The following BRD1 variants were observed in gnomAD, a reference collection of about 807,000 sequenced individuals.
The protein encoded by BRD1 is bromodomain containing 1.
BRD1 carries 24 observed loss-of-function variants against 107.7 expected under a neutral mutation model. The observed-to-expected ratio is 0.22, with a 90% CI of 0.16 to 0.31. The LOEUF is 0.31. BRD1 is among the 10% of genes least tolerant of loss of function. BRD1 has a pLI of 1.00. For synonymous variants in BRD1, 744 were observed against 686.1 expected (o/e 1.08, Z -1.32); for missense variants, 1,279 against 1,638.6 (o/e 0.78, Z 3.79).
rs539439331 is a variant in BRD1, at chr22:49,790,744, T to C, written c.2360-2857A>G. ...CCCTCCAACAACCCTGCCTCAAGCCTCCGTCCTCTGCAATCCTGAAGGGAC... is the reference window on the plus strand; with the variant it reads ...CCCTCCAACAACCCTGCCTCAAGCCCCCGTCCTCTGCAATCCTGAAGGGAC... On this transcript the variant is annotated intron_variant, in intron 7 of 12. Coordinates refer to ENST00000404760, the MANE Select transcript of BRD1 (RefSeq NM_001304808.3). Among the ~76,000 whole-genome samples the C allele has an allele frequency of 5.3e-5, 8 of 152,260 alleles. No individual in the cohort carries two copies. In the South Asian group the frequency reaches 1.7e-3, roughly 32 times the overall value.
chr22:49,787,476 G>A lies in BRD1; in HGVS notation c.2771C>T (p.Thr924Ile), dbSNP rs1204767479. The A allele has an allele frequency of 6.2e-7, 1 of 1,614,258 alleles. No individual in the cohort carries two copies. Among genetic ancestry groups the A allele is most frequent in the Non-Finnish European group, 8.5e-7 (1 of 1,180,048 alleles). Residue 924 changes from threonine (T) to isoleucine (I), a missense_variant, in exon 8 of 13, where the codon ACT becomes ATT. Coordinates refer to ENST00000404760, the MANE Select transcript of BRD1 (RefSeq NM_001304808.3). ...FLSVVLPRLE[T>I]LLQPRKRSRS... is the part of the protein sequence containing the mutation. ...CGACCTTTTCCTTGGCTGCAGAAGA[G>A]TCTCCAACCTCGGAAGGACTACAGA...
At chr22:49,806,913 G>C (rs148405386) in intron 2 of BRD1, 1 of 151,938 alleles carries the variant, frequency 6.6e-6, no homozygotes, top group East Asian at 1.9e-4. Context: ...TGGGAGAATC[G>C]CTTGAGCCCG....
In BRD1 at chr22:49,774,001, G is replaced by C. The variant is rs766141812; in HGVS notation, c.*232C>G. The C allele has an allele frequency of 2.2e-6, 1 of 458,316 alleles. No homozygotes were observed. Among genetic ancestry groups the C allele is most frequent in the Non-Finnish European group, 3.8e-6 (1 of 261,364 alleles). 28.4% of individuals were successfully genotyped at this position (458,316 alleles called of 1,614,324 possible). A position where few individuals can be genotyped will look rare whatever the true frequency, so the allele number is the denominator to read the frequency against. On this transcript the variant is annotated 3_prime_UTR_variant, in exon 13 of 13. Coordinates refer to ENST00000404760, the MANE Select transcript of BRD1 (RefSeq NM_001304808.3). ...CAAAGAAAGTGACGCCAGCAGCACG[G>C]CCTGGGGACGTGCGACAGACGCACT...
At position 49,797,830 on chromosome 22, in the gene BRD1, C is replaced by T. The variant is rs766643054; in HGVS notation, c.2073G>A (p.Pro691=). ...MHLPERPAAA[P]RRPFSWEDVD... is the part of the protein sequence containing the mutation. ...CGTCTTCCCAGGAGAAAGGCCGCCG[C>T]GGTGCCGCAGCAGGCCGCTCAGGCA... The change falls in exon 6 of 13, where the codon CCG becomes CCA. Residue 691 remains proline, a synonymous_variant. Transcript: ENST00000404760. 45 of 1,605,280 alleles carry T rather than the reference C, an allele frequency of 2.8e-5. No homozygotes were observed. Among genetic ancestry groups the T allele is most frequent in the South Asian group, 4.4e-5 (4 of 90,750 alleles).
chr22:49,796,579 A>G (rs2059536712), intron 6 of BRD1, among the ~76,000 whole-genome samples: 1 of 150,618 alleles, frequency 6.6e-6, no homozygotes. Flanking sequence ...GCCGGTCTCA[A>G]TCTCCCGACC....
chr22:49,785,789 A>C (rs2059311948), intron 8 of BRD1, among the ~76,000 whole-genome samples: 1 of 152,248 alleles, frequency 6.6e-6, no homozygotes, highest in Admixed American at 6.5e-5. Flanking sequence ...ATCAAAATGA[A>C]ATTTACCAGA....
chr22:49,786,842 G>A (rs575466747), intron 8 of BRD1, among the ~76,000 whole-genome samples: 12 of 152,098 alleles, frequency 7.9e-5, no homozygotes, highest in East Asian at 1.9e-4. Context: ...CAGGTGCAGC[G>A]GCTCACACAT....
chr22:49,784,968 C>T (rs865813614), intron 8 of BRD1, among the ~76,000 whole-genome samples: 1 of 152,234 alleles, frequency 6.6e-6, no homozygotes, highest in East Asian at 1.9e-4. Context: ...AATGAGAGAG[C>T]AGAAATCTCC....
chr22:49,799,224 C>T, intron 3 of BRD1, 105 bp from the exon 4 acceptor site: 1 of 1,456,854 alleles, frequency 6.9e-7, no homozygotes, highest in Non-Finnish European at 9.3e-7. Flanking sequence ...CGTCAGGGGT[C>T]CTGCAGGCCC....
intron 2 of BRD1, among the ~76,000 whole-genome samples, chr22:49,816,063 G>A (rs1312225493): frequency 6.6e-6 from 1 of 152,162 alleles, no homozygotes; most frequent in East Asian, 1.9e-4. Context: ...CACCGCCCGG[G>A]AGGTACCCAC....
At chr22:49,782,446 T>A (rs1293972291) in intron 8 of BRD1, among the ~76,000 whole-genome samples, 1 of 117,542 alleles carries the variant, frequency 8.5e-6, no homozygotes, top group Non-Finnish European at 1.8e-5. Flanking sequence ...TGCACAAGAC[T>A]TGCTCTGTGA....
At position 49,826,039 on chromosome 22, in the gene BRD1, C is replaced by T. The variant is rs868337086; in HGVS notation, c.-15+1458G>A. On this transcript the variant is annotated intron_variant, in intron 1 of 12. Transcript: ENST00000404760. ...AGCACAGCCACCCCCCAGCCGGCCC[C>T]GTGAGCCCTGCAGAGGTGACACCAC... The T allele has an allele frequency of 1.2e-4, 48 of 391,410 alleles. No homozygotes were observed. In the Middle Eastern group the frequency reaches 3.8e-3, roughly 31 times the overall value. The allele number at this position is 391,410 out of a possible 1,614,324, so 24.2% of individuals were successfully genotyped here.
At chr22:49,807,110 T>TAGG (rs2059761146) in intron 2 of BRD1, 1 of 152,082 alleles carries the variant, frequency 6.6e-6, no homozygotes, top group Non-Finnish European at 1.5e-5. Context: ...CCAGTCTACA[T>TAGG]GCTGACACAT....
chr22:49,799,052 T>A lies in BRD1; in HGVS notation c.1592A>T (p.Asp531Val), dbSNP rs1336083072. The A allele has an allele frequency of 6.2e-7, 1 of 1,611,388 alleles. No homozygotes were observed. The highest frequency in any genetic ancestry group is 1.7e-5 in the Admixed American group (1 of 60,026). ...GATCAGCAGGCGAGCGCGCTCCAGG[T>A]CGTGCCGCAGCCGCTGCCAGTACTT... ...KLKYWQRLRH[D>V]LERARLLIEL... Residue 531 changes from aspartate to valine, a missense_variant, in exon 4 of 13, where the codon GAC becomes GTC. Around this residue, in one of 7 missense-constraint regions of BRD1, gnomAD observed 406 missense variants for 519.4 expected, o/e 0.78. Coordinates refer to ENST00000404760, the MANE Select transcript of BRD1 (RefSeq NM_001304808.3).
At chr22:49,801,637 G>A (rs1487562727) in intron 3 of BRD1, among the ~76,000 whole-genome samples, 1 of 152,212 alleles carries the variant, frequency 6.6e-6, no homozygotes, top group African/African-American at 2.4e-5. Flanking sequence ...TCCTTCCCAG[G>A]TGACTTCGAG....
rs2059567404 is a variant in BRD1, at chr22:49,798,018, C to T, written c.1885G>A (p.Glu629Lys). ...TTATCTATAATGAGATCAAAATCCT[C>T]CTCAAACTCATGGAGGTTTTTATAC... is the stretch of plus-strand genomic sequence containing the variant. ...QGYKNLHEFE[E>K]DFDLIIDNCM... The change falls in exon 6 of 13, where the codon GAG becomes AAG. Residue 629 changes from glutamate to lysine, a missense_variant. Glu to Lys is a moderately conservative substitution (Grantham distance 56). Around this residue, in one of 7 missense-constraint regions of BRD1, gnomAD observed 406 missense variants for 519.4 expected, o/e 0.78. Transcript: ENST00000404760. 9.9e-6 allele frequency: 16 copies of T among 1,614,126 alleles called. No individual in the cohort carries two copies. Among genetic ancestry groups the T allele is most frequent in the Non-Finnish European group, 1.3e-5 (15 of 1,180,060 alleles).
chr22:49,777,120 A>G lies in BRD1; in HGVS notation c.3035T>C (p.Val1012Ala). The G allele has an allele frequency of 6.2e-7, 1 of 1,613,328 alleles. No homozygotes were observed. The stretch of plus-strand genomic sequence containing the variant: ...GCGGTCCTCCAGCGTGTGCCGTCGC[A>G]CAAGAGCCGGTTTGCCCCGCCCACA... ...PKCGRGKPAL[V>A]RRHTLEDRSE... Residue 1012 changes from valine to alanine, a missense_variant, in exon 10 of 13, where the codon GTG becomes GCG. Val to Ala is a moderately conservative substitution (Grantham distance 64, BLOSUM62 0). Around this residue, in one of 7 missense-constraint regions of BRD1, gnomAD observed 263 missense variants for 251.6 expected, o/e 1.05. Coordinates refer to ENST00000404760, the MANE Select transcript of BRD1 (RefSeq NM_001304808.3).
rs200897628 is a variant in BRD1 at position 49,788,374 on chromosome 22, C to CA, written c.2360-488dup. Among the ~76,000 whole-genome samples, 486 of 151,168 alleles carry CA rather than the reference C, an allele frequency of 3.2e-3. 3 individuals are homozygous for CA. Among genetic ancestry groups the CA allele is most frequent in the African/African-American group, 0.011 (470 of 41,082 alleles). ...AAAAATGCAAAAACAAACAAACAAA[C>CA]AAAAAAAACAGGGAGTGGTGAGTGG... On this transcript the variant is annotated intron_variant, in intron 7 of 12. Coordinates refer to ENST00000404760, the MANE Select transcript of BRD1 (RefSeq NM_001304808.3).
At chr22:49,790,194 G>A (rs1231681071) in intron 7 of BRD1, among the ~76,000 whole-genome samples, 1 of 152,154 alleles carries the variant, frequency 6.6e-6, no homozygotes, top group Non-Finnish European at 1.5e-5. Context: ...CGGGACCACA[G>A]AGGCCCCCGG....
Sources: allele counts gnomAD v4.1 joint callset (sites outside exome capture counted in the v4.1 genomes callset), GRCh38; gene constraint gnomAD v4.1.1; regional missense constraint gnomAD v4.1.1; transcripts MANE v1.5; gene names NCBI Gene and HGNC (gene_info 2026-07-23, HGNC 2026-07-21).